The following PLXNA1 variants were observed in gnomAD, a reference collection of about 807,000 sequenced individuals.
PLXNA1 encodes the protein plexin-A1.
Under a neutral mutation model 191.7 loss-of-function variants are expected in PLXNA1, and 77 were observed. That is an observed-to-expected ratio of 0.40 (90% confidence interval 0.33 to 0.49). The LOEUF is 0.49. Among genes scored for constraint, PLXNA1 ranks in the 20% least tolerant of loss-of-function variants. The pLI, the probability that PLXNA1 is intolerant of heterozygous loss-of-function variation, is 0.63. For synonymous variants in PLXNA1, 1,137 were observed against 1,156.4 expected, an observed-to-expected ratio of 0.98 and a Z score of 0.34; for missense variants, 2,110 against 2,660.2, an observed-to-expected ratio of 0.79 and a Z score of 4.55.
Position 126,988,979 on chromosome 3 carries a change from C to T in PLXNA1, c.386C>T (p.Ala129Val), listed in dbSNP as rs1193792071. Residue 129 changes from alanine (A) to valine (V), a missense_variant, in exon 2 of 32, where the codon GCC becomes GTC. Ala to Val is a moderately conservative substitution (Grantham distance 64, BLOSUM62 0). This residue lies in a region of PLXNA1 where 903 missense variants were observed against 1,015.7 expected (regional missense o/e 0.89). Coordinates refer to ENST00000393409, the MANE Select transcript of PLXNA1 (RefSeq NM_032242.4). ...LLDYAANRLLACGSASQGICQ... is the reference protein window; with the variant it reads ...LLDYAANRLLVCGSASQGICQ... ...GACTATGCCGCTAACCGCCTGCTGG[C>T]CTGTGGCAGCGCCTCCCAGGGCATC... 6.2e-7 allele frequency: 1 copy of T among 1,613,206 alleles called. No homozygotes were observed. Among genetic ancestry groups the T allele is most frequent in the Non-Finnish European group, 8.5e-7 (1 of 1,180,026 alleles).
intron 29 of PLXNA1, among the ~76,000 whole-genome samples, 159 bp downstream of exon 29, chr3:127,030,571 C>T (rs553333407): frequency 1.3e-5 from 2 of 152,202 alleles, no homozygotes; most frequent in Non-Finnish European, 2.9e-5. Flanking sequence ...TGCTAACTGG[C>T]CTTCCCTATC....
At chr3:126,994,022 C>T (rs1026979458) in intron 3 of PLXNA1, among the ~76,000 whole-genome samples, 1 of 152,166 alleles carries the variant, frequency 6.6e-6, no homozygotes, top group African/African-American at 2.4e-5. Context: ...CTCCTCGTAC[C>T]ATGCGGACCT....
chr3:127,004,897 G>C lies in PLXNA1; in HGVS notation c.1632G>C (p.Arg544=). The C allele has an allele frequency of 6.2e-7, 1 of 1,600,012 alleles. No individual in the cohort carries two copies. The highest frequency in any genetic ancestry group is 1.1e-5 in the South Asian group (1 of 89,860). The change falls in exon 6 of 32, where the codon CGG becomes CGC. Residue 544 remains arginine (R), a synonymous_variant. Coordinates refer to ENST00000393409, the MANE Select transcript of PLXNA1 (RefSeq NM_032242.4). ...WCVLHSICSR[R]DACERADEPQ... ...CCTCTGCCTGCAGCTGCTCGCGGCGGGACGCCTGTGAGCGAGCAGACGAGC... is the reference window on the plus strand; with the variant it reads ...CCTCTGCCTGCAGCTGCTCGCGGCGCGACGCCTGTGAGCGAGCAGACGAGC...
intron 3 of PLXNA1, among the ~76,000 whole-genome samples, chr3:126,998,282 C>CT (rs2079023930): frequency 6.6e-6 from 1 of 152,108 alleles, no homozygotes; most frequent in Non-Finnish European, 1.5e-5. Context: ...TGATGTGGGT[C>CT]TTTGAGGGCC....
chr3:127,021,598 A>G lies in PLXNA1; in HGVS notation c.4039-487A>G, dbSNP rs186453005. 4.6e-5 allele frequency among the ~76,000 whole-genome samples: 7 copies of G among 152,292 alleles called. No homozygotes were observed. The East Asian group carries it at 1.4e-3, about 29-fold the overall frequency. ...TGCAGAGACTGGTCGTGCATTGGTT[A>G]TCATTGTCAAGGCGGAGGGAGATGG... On this transcript the variant is annotated intron_variant, in intron 21 of 31. Transcript: ENST00000393409.
chr3:127,034,155 C>T lies in PLXNA1; in HGVS notation c.*138C>T. ...GCAGCGACTGCCCGGCCCTCCCTCC[C>T]CTGCCTCACCCGGTCGGGTCCCGGC... is the stretch of plus-strand genomic sequence containing the variant. On this transcript the variant is annotated 3_prime_UTR_variant, in exon 32 of 32. Transcript: ENST00000393409. 1.4e-6 allele frequency: 1 copy of T among 721,528 alleles called. No individual in the cohort carries two copies. The highest frequency in any genetic ancestry group is 2.3e-6 in the Non-Finnish European group (1 of 439,780). The allele number at this position is 721,528 out of a possible 1,614,324, so 44.7% of individuals were successfully genotyped here. A position where few individuals can be genotyped will look rare whatever the true frequency, so the allele number is the denominator to read the frequency against.
At chr3:126,996,687 G>C (rs116829774) in intron 3 of PLXNA1, among the ~76,000 whole-genome samples, 4,012 of 152,338 alleles carry the variant, frequency 0.026, 83 homozygotes, top group Middle Eastern at 0.041. Context: ...AGAGGCTGCT[G>C]TCCCCCACCA....
Position 127,035,114 on chromosome 3 carries a change from C to T in PLXNA1, c.*1097C>T, listed in dbSNP as rs2107640700. On this transcript the variant is annotated 3_prime_UTR_variant, in exon 32 of 32. Transcript: ENST00000393409. ...CAGGGCTCCTCTGGCCCGCAGTGGC[C>T]TGGATCTATCTGGGCCATGAGTGAC... 6.6e-6 allele frequency: 1 copy of T among 152,312 alleles called. No individual in the cohort carries two copies. Among genetic ancestry groups the T allele is most frequent in the Middle Eastern group, 3.4e-3 (1 of 294 alleles). 9.4% of individuals were successfully genotyped at this position (152,312 alleles called of 1,614,324 possible).
At chr3:126,992,101 G>T (rs1035835142) in intron 3 of PLXNA1, among the ~76,000 whole-genome samples, 2 of 152,190 alleles carry the variant, frequency 1.3e-5, no homozygotes, top group African/African-American at 4.8e-5. Flanking sequence ...CACAGCCCTG[G>T]GCTGGCCCCA....
intron 3 of PLXNA1, among the ~76,000 whole-genome samples, chr3:126,992,669 C>T (rs1200863247): frequency 1.3e-5 from 2 of 151,942 alleles, no homozygotes; most frequent in Admixed American, 1.3e-4. Context: ...CCGTGGGGGC[C>T]CAGCTGCTGA....
At position 127,022,317 on chromosome 3, in the gene PLXNA1, AC is replaced by A; in HGVS notation, c.4273del (p.His1425ThrfsTer17). ...DLIEKNLESK[N>X]HPKLLLRRTE... ...ATCGAGAAGAACCTGGAGAGCAAGA[AC>A]CACCCCAAGCTGCTACTGCGCCGGT... On this transcript the variant is annotated frameshift_variant, in exon 22 of 32. Transcript: ENST00000393409. LOFTEE classifies it high-confidence loss of function. 1.9e-6 allele frequency: 3 copies of A among 1,612,024 alleles called. No individual in the cohort carries two copies. Among genetic ancestry groups the A allele is most frequent in the Non-Finnish European group, 1.7e-6 (2 of 1,178,760 alleles).
chr3:126,989,713 C>A lies in PLXNA1; in HGVS notation c.1120C>A (p.Gln374Lys), dbSNP rs2078981009. ...CAAGGAGAAGATTAAGGAGCGCATC[C>A]AGTCCTGCTACCGTGGTGAGGGCAA... ...AIKEKIKERI[Q>K]SCYRGEGKLS... Residue 374 changes from glutamine to lysine, a missense_variant, in exon 2 of 32, where the codon CAG becomes AAG. This residue lies in a region of PLXNA1 where 903 missense variants were observed against 1,015.7 expected (regional missense o/e 0.89). Coordinates refer to ENST00000393409, the MANE Select transcript of PLXNA1 (RefSeq NM_032242.4). 1 of 1,613,006 alleles carries A rather than the reference C, an allele frequency of 6.2e-7. No homozygotes were observed. Among genetic ancestry groups the A allele is most frequent in the Non-Finnish European group, 8.5e-7 (1 of 1,180,032 alleles).
At chr3:127,019,473 G>A (rs556113058) in intron 20 of PLXNA1, among the ~76,000 whole-genome samples, 1 of 152,312 alleles carries the variant, frequency 6.6e-6, no homozygotes, top group Non-Finnish European at 1.5e-5. Flanking sequence ...TGCTGAGGCT[G>A]GCTGTCTGGC....
Position 127,029,122 on chromosome 3 carries a change from C to T in PLXNA1, c.4773+26C>T, listed in dbSNP as rs745718679. ...GTGGCTCCCGGCCCTCCGACCCTAG[C>T]ACAGGCCTCCCTCCCCTTGGGGCTT... is the stretch of plus-strand genomic sequence containing the variant. On this transcript the variant is annotated intron_variant, in intron 26 of 31. Transcript: ENST00000393409. 11 of 1,563,762 alleles carry T rather than the reference C, an allele frequency of 7.0e-6. No individual in the cohort carries two copies. In the South Asian group the frequency reaches 1.1e-4, roughly 16 times the overall value.
chr3:126,989,345 G>A lies in PLXNA1; in HGVS notation c.752G>A (p.Arg251His), dbSNP rs750446640. 3.7e-6 allele frequency: 6 copies of A among 1,613,510 alleles called. No individual in the cohort carries two copies. The highest frequency in any genetic ancestry group is 2.7e-5 in the African/African-American group (2 of 74,948). Residue 251 changes from arginine to histidine, a missense_variant, in exon 2 of 32, where the codon CGC (arginine) becomes CAC (histidine). Transcript: ENST00000393409. ...AFDIYYVYSF[R>H]SEQFVYYLTL... ...GACATCTACTATGTGTACAGCTTCC[G>A]CAGCGAGCAGTTTGTCTACTACCTC...
At chr3:127,001,117 CAGA>C (rs2079038008) in intron 3 of PLXNA1, among the ~76,000 whole-genome samples, 1 of 152,182 alleles carries the variant, frequency 6.6e-6, no homozygotes. Context: ...GGCCCAGCTC[CAGA>C]AGAAGCTCCT....
At chr3:127,028,617 A>G (rs1237572811) in intron 25 of PLXNA1, among the ~76,000 whole-genome samples, 1 of 150,318 alleles carries the variant, frequency 6.7e-6, no homozygotes, top group Admixed American at 6.6e-5. Flanking sequence ...GGCTCATGAG[A>G]GGGGCAGGTG....
At position 126,989,238 on chromosome 3, in the gene PLXNA1, G is replaced by C; in HGVS notation, c.645G>C (p.Met215Ile). ...TGGCCAACGAGGAGGATGCCGACAT[G>C]TTCGGCTTCGTGTACCAGGATGAGT... ...RLMANEEDAD[M>I]FGFVYQDEFV... The change falls in exon 2 of 32, where the codon ATG becomes ATC. Residue 215 changes from methionine (M) to isoleucine (I), a missense_variant. Transcript: ENST00000393409. 1 of 1,613,640 alleles carries C rather than the reference G, an allele frequency of 6.2e-7. No homozygotes were observed.
At position 126,989,157 on chromosome 3, in the gene PLXNA1, C is replaced by T. The variant is rs751576911; in HGVS notation, c.564C>T (p.Gly188=). Residue 188 remains glycine, a synonymous_variant, in exon 2 of 32, where the codon GGC becomes GGT. Transcript: ENST00000393409. ...AGGGCCAGGCCAAGCTCTTCGTGGG[C>T]ACACCCATCGATGGCAAGTCCGAGT... The part of the protein sequence containing the change: ...PGQGQAKLFV[G]TPIDGKSEYF... 1 of 1,613,426 alleles carries T rather than the reference C, an allele frequency of 6.2e-7. No homozygotes were observed. The highest frequency in any genetic ancestry group is 1.1e-5 in the South Asian group (1 of 91,086).
Sources: gnomAD v4.1 joint callset for allele counts (sites outside exome capture counted in the v4.1 genomes callset) on GRCh38, gnomAD v4.1.1 for gene constraint, gnomAD v4.1.1 regional missense constraint, MANE v1.5 for transcripts, NCBI Gene and HGNC (gene_info 2026-07-23, HGNC 2026-07-21) for gene names.